Variants in CHRNB3 observed in about 807,000 individuals in gnomAD.
CHRNB3 encodes the protein cholinergic receptor nicotinic beta 3 subunit.
A neutral mutation model predicts 40.6 loss-of-function variants in CHRNB3; 37 were observed. The ratio of observed to expected loss-of-function variants is 0.91; its 90% CI spans 0.70 to 1.20. CHRNB3 has a LOEUF of 1.20. Among genes scored for constraint, CHRNB3 ranks in the 50% most tolerant of loss-of-function variants. The pLI, the probability that CHRNB3 is intolerant of heterozygous loss-of-function variation, is 0.00. For synonymous variants in CHRNB3, 207 were observed against 207.1 expected, an observed-to-expected ratio of 1.00 and a Z score of 0.00; for missense variants, 505 against 551.2, an observed-to-expected ratio of 0.92 and a Z score of 0.84.
chr8:42,720,093 GCC>G (rs1230894699), intron 3 of CHRNB3, among the ~76,000 whole-genome samples: 1 of 115,404 alleles, frequency 8.7e-6, no homozygotes, highest in African/African-American at 3.3e-5. Context: ...ACGCAACCCT[GCC>G]CCACTCAGAA....
chr8:42,698,792 A>G (rs1258655124), intron 1 of CHRNB3, among the ~76,000 whole-genome samples: 1 of 152,214 alleles, frequency 6.6e-6, no homozygotes, highest in African/African-American at 2.4e-5. Context: ...TCTATTTATT[A>G]TAAGACAATT....
chr8:42,707,573 T>C (rs190017274), intron 1 of CHRNB3, among the ~76,000 whole-genome samples: 2 of 152,210 alleles, frequency 1.3e-5, no homozygotes, highest in East Asian at 3.9e-4. Context: ...AAGTAGGGGC[T>C]TCCTTGTTTT....
Position 42,725,480 on chromosome 8 carries a change from C to T in CHRNB3, c.250-5114C>T, listed in dbSNP as rs376698611. ...CTGAAGATACTTGATAAAAATTCCC[C>T]AAAATACAAAAACACATGCTTCCAC... On this transcript the variant is annotated intron_variant, in intron 3 of 5. Coordinates refer to ENST00000289957, the MANE Select transcript of CHRNB3 (RefSeq NM_000749.5). 3.5e-5 allele frequency: 23 copies of T among 660,342 alleles called. No individual in the cohort carries two copies. The East Asian group carries it at 4.4e-4, about 13-fold the overall frequency. The allele number at this position is 660,342 out of a possible 1,614,324, so 40.9% of individuals were successfully genotyped here. A position where few individuals can be genotyped will look rare whatever the true frequency, so the allele number is the denominator to read the frequency against.
chr8:42,710,576 T>G (rs1312755096), intron 3 of CHRNB3, 142 bp downstream of exon 3: 1 of 677,722 alleles, frequency 1.5e-6, no homozygotes, highest in East Asian at 2.8e-5. Flanking sequence ...TGGCTTTTAT[T>G]TTCTGTTGTG....
Position 42,730,605 on chromosome 8 carries a change from C to T in CHRNB3, c.261C>T (p.Asp87=). 1 of 1,602,280 alleles carries T rather than the reference C, an allele frequency of 6.2e-7. No individual in the cohort carries two copies. The highest frequency in any genetic ancestry group is 8.5e-7 in the Non-Finnish European group (1 of 1,172,814). ...TNVWLKQEWT[D]HKLRWNPDDY... Reference sequence around the variant, plus strand: ...CTAATTTCATGCAGGAATGGACAGACCACAAGTTACGCTGGAATCCTGATG... The same window carrying T: ...CTAATTTCATGCAGGAATGGACAGATCACAAGTTACGCTGGAATCCTGATG... The change falls in exon 4 of 6, where the codon GAC becomes GAT. Residue 87 remains aspartate, a synonymous_variant. Transcript: ENST00000289957.
intron 3 of CHRNB3, among the ~76,000 whole-genome samples, chr8:42,725,003 C>A (rs1253078691): frequency 6.6e-6 from 1 of 151,770 alleles, no homozygotes; most frequent in Non-Finnish European, 1.5e-5. Flanking sequence ...AAAAAGAAAA[C>A]ACTGGAATTT....
Position 42,697,604 on chromosome 8 carries a change from C to A in CHRNB3, c.52+6C>A. 1 of 1,609,966 alleles carries A rather than the reference C, an allele frequency of 6.2e-7. No individual in the cohort carries two copies. Among genetic ancestry groups the A allele is most frequent in the Non-Finnish European group, 8.5e-7 (1 of 1,176,370 alleles). On this transcript the variant is annotated splice_donor_region_variant and intron_variant, in intron 1 of 5. Transcript: ENST00000289957. The stretch of plus-strand genomic sequence containing the variant: ...CCTTGGCATCCCTTCCTCAGGTAAG[C>A]ACAAGTCACAGTAAATTAAAACTAC...
At position 42,737,051 on chromosome 8, in the gene CHRNB3, A is replaced by C. The variant is rs536211101; in HGVS notation, c.*433A>C. 1 of 172,642 alleles carries C rather than the reference A, an allele frequency of 5.8e-6. No individual in the cohort carries two copies. Among genetic ancestry groups the C allele is most frequent in the South Asian group, 1.5e-4 (1 of 6,692 alleles). 10.7% of individuals were successfully genotyped at this position (172,642 alleles called of 1,614,324 possible). ...GCAGAGCCTGGATCTCCCACCCTGC[A>C]CTGGCCTCCTTGGTGGTTTTGTCTG... On this transcript the variant is annotated 3_prime_UTR_variant, in exon 6 of 6. Transcript: ENST00000289957.
At chr8:42,731,590 A>G (rs1816418671) in intron 4 of CHRNB3, 77 bp from the exon 5 acceptor site, 1 of 1,402,902 alleles carries the variant, frequency 7.1e-7, no homozygotes, top group Admixed American at 2.3e-5. Flanking sequence ...TAAAACAGAA[A>G]TAGTCAATGC....
chr8:42,726,207 A>T (rs57435730), intron 3 of CHRNB3: 48,425 of 931,374 alleles, frequency 0.052, 1,729 homozygotes, highest in Middle Eastern at 0.12. Flanking sequence ...AAAGGGATTT[A>T]TCTTTGCTCT....
chr8:42,725,317 T>C (rs62518220), intron 3 of CHRNB3, among the ~76,000 whole-genome samples: 8,685 of 151,988 alleles, frequency 0.057, 326 homozygotes, highest in Middle Eastern at 0.11. Flanking sequence ...CTCAAACTCC[T>C]GACCTCAGGT....
intron 3 of CHRNB3, chr8:42,725,778 G>C (rs190945540): frequency 3.3e-6 from 3 of 896,078 alleles, no homozygotes; most frequent in South Asian, 2.6e-5. Flanking sequence ...GTTTCAAAAT[G>C]AGTTCCCAGA....
chr8:42,706,797 G>C (rs1382162384), intron 1 of CHRNB3, among the ~76,000 whole-genome samples: 1 of 152,086 alleles, frequency 6.6e-6, no homozygotes, highest in Non-Finnish European at 1.5e-5. Context: ...GTCTTGCTCT[G>C]TCACCTAGGC....
intron 3 of CHRNB3, among the ~76,000 whole-genome samples, chr8:42,729,401 C>T (rs1200198305): frequency 2.0e-5 from 3 of 152,070 alleles, no homozygotes; most frequent in African/African-American, 7.3e-5. Flanking sequence ...CAGAGCGAGA[C>T]TCTGTCTCAA....
intron 3 of CHRNB3, among the ~76,000 whole-genome samples, chr8:42,716,732 G>A (rs1211123229): frequency 6.6e-6 from 1 of 151,998 alleles, no homozygotes; most frequent in African/African-American, 2.4e-5. Flanking sequence ...AGCCGCCTCT[G>A]CCCGACCCTG....
chr8:42,729,755 T>C (rs958201104), intron 3 of CHRNB3, among the ~76,000 whole-genome samples: 4 of 152,284 alleles, frequency 2.6e-5, no homozygotes, highest in Admixed American at 6.5e-5. Flanking sequence ...GGCTGTAGAA[T>C]AGAAAATTTT....
chr8:42,708,414 C>T (rs4951), intron 1 of CHRNB3, among the ~76,000 whole-genome samples: 92,852 of 151,548 alleles, frequency 0.61, 33,058 homozygotes, highest in East Asian at 0.81. Flanking sequence ...TGCAGTGAGC[C>T]GAGATCGCGC....
chr8:42,721,006 G>A (rs937030377), intron 3 of CHRNB3, among the ~76,000 whole-genome samples: 1 of 152,216 alleles, frequency 6.6e-6, no homozygotes, highest in African/African-American at 2.4e-5. Flanking sequence ...AGATGGAGGA[G>A]CTGTGCATTT....
intron 5 of CHRNB3, among the ~76,000 whole-genome samples, chr8:42,733,986 G>C (rs919444985): frequency 7.3e-5 from 11 of 150,540 alleles, no homozygotes; most frequent in African/African-American, 2.7e-4. Context: ...GGCCAGGCAC[G>C]GTGGCTCATG....
Sources: allele counts gnomAD v4.1 joint callset (sites outside exome capture counted in the v4.1 genomes callset), GRCh38; gene constraint gnomAD v4.1.1; transcripts MANE v1.5; gene names NCBI Gene and HGNC (gene_info 2026-07-23, HGNC 2026-07-21).